Variants in OTOL1 observed in about 807,000 individuals in gnomAD.
The protein encoded by OTOL1 is otolin 1, also known as otolin-1.
Under a neutral mutation model 25.0 loss-of-function variants are expected in OTOL1, and 31 were observed. That is an observed-to-expected ratio of 1.24 (90% confidence interval 0.93 to 1.67). The LOEUF (loss-of-function observed/expected upper bound fraction) is 1.67. Ranked by LOEUF, OTOL1 falls within the 40% of genes most tolerant of loss-of-function variation. The pLI, the probability that OTOL1 is intolerant of heterozygous loss-of-function variation, is 0.00. For synonymous variants in OTOL1, 225 were observed against 210.3 expected (o/e 1.07, Z -0.61); for missense variants, 654 against 587.7 (o/e 1.11, Z -1.17).
At position 161,503,202 on chromosome 3, in the gene OTOL1, A is replaced by T; in HGVS notation, c.694A>T (p.Met232Leu). ...GPGAKGEKGE[M>L]GEKGEMGDKG... ...TGGCGCCAAGGGAGAGAAGGGGGAG[A>T]TGGGGGAGAAGGGGGAGATGGGGGA... The change falls in exon 4 of 4, where the codon ATG becomes TTG. Residue 232 changes from methionine (M) to leucine (L), a missense_variant. Coordinates refer to ENST00000327928, the MANE Select transcript of OTOL1 (RefSeq NM_001080440.1). 1.4e-6 allele frequency: 1 copy of T among 704,508 alleles called. No individual in the cohort carries two copies. The highest frequency in any genetic ancestry group is 1.9e-6 in the Non-Finnish European group (1 of 535,716). 43.6% of individuals were successfully genotyped at this position (704,508 alleles called of 1,614,324 possible).
Position 161,503,577 on chromosome 3 carries a change from A to G in OTOL1, c.1069A>G (p.Asn357Asp). Residue 357 changes from asparagine (N) to aspartate (D), a missense_variant, in exon 4 of 4, where the codon AAC (asparagine) becomes GAC (aspartate). Transcript: ENST00000327928. ...TTTGTCAAAGCCATTTCCTCCTCCT[A>G]ACATCCCCATCAAATTTGAAAAGAT... is the stretch of plus-strand genomic sequence containing the variant. ...AGLSKPFPPP[N>D]IPIKFEKILY... 1.2e-6 allele frequency: 2 copies of G among 1,613,838 alleles called. No homozygotes were observed. The highest frequency in any genetic ancestry group is 1.7e-6 in the Non-Finnish European group (2 of 1,179,840).
rs559129310 is a variant in OTOL1 at position 161,503,483 on chromosome 3, G to C, written c.975G>C (p.Lys325Asn). 5 of 1,613,608 alleles carry C rather than the reference G, an allele frequency of 3.1e-6. No homozygotes were observed. In the South Asian group the frequency reaches 5.5e-5, roughly 18 times the overall value. The change falls in exon 4 of 4, where the codon AAG becomes AAC. Residue 325 changes from lysine (K) to asparagine (N), a missense_variant. By Grantham distance (94) the Lys-to-Asn change is moderately conservative (BLOSUM62 0). Coordinates refer to ENST00000327928, the MANE Select transcript of OTOL1 (RefSeq NM_001080440.1). ...GGGTCCGAGGCCCCACTGGGAAGAA[G>C]GGCTCTCGGGGCTTTAAAGGCTCCA... Reference protein sequence around the residue: ...NKGVRGPTGKKGSRGFKGSKG... With the variant: ...NKGVRGPTGKNGSRGFKGSKG...
intron 2 of OTOL1, among the ~76,000 whole-genome samples, chr3:161,501,932 T>C (rs1225144440): frequency 6.6e-6 from 1 of 152,186 alleles, no homozygotes; most frequent in Non-Finnish European, 1.5e-5. Flanking sequence ...AGCGGTGTGA[T>C]CTCAGCTTAC....
chr3:161,497,459 A>G (rs1485986566), intron 1 of OTOL1, among the ~76,000 whole-genome samples: 1 of 152,188 alleles, frequency 6.6e-6, no homozygotes, highest in South Asian at 2.1e-4. Flanking sequence ...TAGCATTTCC[A>G]TCATTGTAGA....
In OTOL1 at chr3:161,499,254, G is replaced by A; in HGVS notation, c.448G>A (p.Glu150Lys). The change falls in exon 2 of 4, where the codon GAG becomes AAG. Residue 150 changes from glutamate (E) to lysine (K), a missense_variant. Transcript: ENST00000327928. ...GPQGPRGYKG[E>K]KGLKGERGDQ... ...CCAAGGCCCTAGAGGCTACAAAGGA[G>A]AGAAAGGTAGGTAATTCATTCATGT... 6.3e-7 allele frequency: 1 copy of A among 1,597,656 alleles called. No individual in the cohort carries two copies. The highest frequency in any genetic ancestry group is 2.2e-5 in the East Asian group (1 of 44,684).
chr3:161,502,633 T>C (rs1279538087), intron 3 of OTOL1, among the ~76,000 whole-genome samples: 3 of 152,198 alleles, frequency 2.0e-5, no homozygotes, highest in Non-Finnish European at 4.4e-5. Context: ...CTCAGTTTCC[T>C]TGCCAATAAT....
chr3:161,497,087 C>T lies in OTOL1; in HGVS notation c.280C>T (p.Pro94Ser), dbSNP rs189141556. Residue 94 changes from proline (P) to serine (S), a missense_variant, in exon 1 of 4, where the codon CCA becomes TCA. By Grantham distance (74) the Pro-to-Ser change is moderately conservative. Transcript: ENST00000327928. ...TCCCTTTGAAAACTTCACTCTTGAC[C>T]CAGCTGATTTCTTTTTGAATTGTTG... ...LSPFENFTLD[P>S]ADFFLNCCDC... 5.0e-6 allele frequency: 8 copies of T among 1,613,446 alleles called. No individual in the cohort carries two copies. The highest frequency in any genetic ancestry group is 1.7e-5 in the Admixed American group (1 of 59,956).
chr3:161,500,491 T>A (rs866136670), intron 2 of OTOL1, among the ~76,000 whole-genome samples: 10 of 152,192 alleles, frequency 6.6e-5, no homozygotes, highest in Non-Finnish European at 7.4e-5. Context: ...ATTCAGCCAT[T>A]CTTTATAAAG....
At chr3:161,498,978 T>C (rs1235426196) in intron 1 of OTOL1, among the ~76,000 whole-genome samples, 193 bp from the exon 2 acceptor site, 2 of 152,226 alleles carry the variant, frequency 1.3e-5, no homozygotes, top group Non-Finnish European at 2.9e-5. Context: ...AATTTATCTA[T>C]TCAGGTAGTA....
chr3:161,500,069 C>A (rs1718936885), intron 2 of OTOL1, among the ~76,000 whole-genome samples: 1 of 152,090 alleles, frequency 6.6e-6, no homozygotes, highest in Non-Finnish European at 1.5e-5. Flanking sequence ...CAGTGAATAC[C>A]AGCAGCCTGT....
In OTOL1 at chr3:161,503,777, A is replaced by G. The variant is rs776928022; in HGVS notation, c.1269A>G (p.Glu423=). 1 of 1,613,914 alleles carries G rather than the reference A, an allele frequency of 6.2e-7. No individual in the cohort carries two copies. The highest frequency in any genetic ancestry group is 1.1e-5 in the South Asian group (1 of 91,068). The change falls in exon 4 of 4, where the codon GAA becomes GAG. Residue 423 remains glutamate, a synonymous_variant. Transcript: ENST00000327928. ...CCAGAGAAACTCTCTATGGTCAGGAAATAGACCAGGCCTCTCTCCTCGTCA... is the reference window on the plus strand; with the variant it reads ...CCAGAGAAACTCTCTATGGTCAGGAGATAGACCAGGCCTCTCTCCTCGTCA... ...FKSRETLYGQ[E]IDQASLLVIL...
chr3:161,501,995 T>A (rs1718984685), intron 2 of OTOL1, among the ~76,000 whole-genome samples: 1 of 152,132 alleles, frequency 6.6e-6, no homozygotes, highest in African/African-American at 2.4e-5. Context: ...GCCTCCCAAG[T>A]AGCTGGGACT....
Position 161,503,551 on chromosome 3 carries a change from G to T in OTOL1, c.1043G>T (p.Gly348Val), listed in dbSNP as rs1250367108. The change falls in exon 4 of 4, where the codon GGT becomes GTT. Residue 348 changes from glycine to valine, a missense_variant. Coordinates refer to ENST00000327928, the MANE Select transcript of OTOL1 (RefSeq NM_001080440.1). The part of the protein sequence containing the change: ...ARVPRSAFSA[G>V]LSKPFPPPNI... ...GTGCCCCGGTCGGCTTTCAGCGCTG[G>T]TTTGTCAAAGCCATTTCCTCCTCCT... 6.2e-7 allele frequency: 1 copy of T among 1,613,846 alleles called. No individual in the cohort carries two copies. The highest frequency in any genetic ancestry group is 1.7e-5 in the Admixed American group (1 of 60,016).
At chr3:161,499,497 G>A (rs1195625204) in intron 2 of OTOL1, among the ~76,000 whole-genome samples, 1 of 152,154 alleles carries the variant, frequency 6.6e-6, no homozygotes, top group East Asian at 1.9e-4. Context: ...TTGTCACACA[G>A]CTTTTCCATC....
In OTOL1 at chr3:161,503,040, A is replaced by G. The variant is rs1482408684; in HGVS notation, c.532A>G (p.Lys178Glu). ...KPGAQGEPGP[K>E]GDKGNIGLGG... ...TTCCATTTCAGGTGAACCTGGCCCT[A>G]AGGGAGATAAAGGAAACATTGGTTT... The change falls in exon 4 of 4, where the codon AAG (lysine) becomes GAG (glutamate). Residue 178 changes from lysine (K) to glutamate (E), a missense_variant. By Grantham distance (56) the Lys-to-Glu change is moderately conservative. Coordinates refer to ENST00000327928, the MANE Select transcript of OTOL1 (RefSeq NM_001080440.1). 3 of 1,353,104 alleles carry G rather than the reference A, an allele frequency of 2.2e-6. No homozygotes were observed. In the East Asian group the frequency reaches 7.8e-5, roughly 35 times the overall value. 83.8% of individuals were successfully genotyped at this position (1,353,104 alleles called of 1,614,324 possible). A position where few individuals can be genotyped will look rare whatever the true frequency, so the allele number is the denominator to read the frequency against.
In OTOL1 at chr3:161,499,197, G is replaced by A; in HGVS notation, c.391G>A (p.Gly131Arg). Residue 131 changes from glycine to arginine, a missense_variant, in exon 2 of 4, where the codon GGG becomes AGG. Transcript: ENST00000327928. Reference protein sequence around the residue: ...PGPKGEAGNLGIPGPPGVVGP... With the variant: ...PGPKGEAGNLRIPGPPGVVGP... ...TCCTAAAGGAGAGGCTGGAAATTTG[G>A]GGATCCCAGGGCCACCAGGAGTTGT... is the stretch of plus-strand genomic sequence containing the variant. The A allele has an allele frequency of 6.2e-7, 1 of 1,610,928 alleles. No individual in the cohort carries two copies. Among genetic ancestry groups the A allele is most frequent in the Non-Finnish European group, 8.5e-7 (1 of 1,178,686 alleles).
In OTOL1 at chr3:161,503,339, C is replaced by T. The variant is rs759107962; in HGVS notation, c.831C>T (p.Ser277=). The change falls in exon 4 of 4, where the codon AGC becomes AGT. Residue 277 remains serine, a synonymous_variant. Transcript: ENST00000327928. ...GAGACAGTGGAATGGAAGGCAAAAG[C>T]GGCCGTAATGGTCTGCCTGGGGCCA... ...SKGDSGMEGK[S]GRNGLPGAKG... 2 of 1,577,240 alleles carry T rather than the reference C, an allele frequency of 1.3e-6. No homozygotes were observed. The highest frequency in any genetic ancestry group is 1.7e-6 in the Non-Finnish European group (2 of 1,163,848).
intron 2 of OTOL1, among the ~76,000 whole-genome samples, chr3:161,501,559 A>G (rs770009879): frequency 1.2e-4 from 18 of 151,344 alleles, no homozygotes; most frequent in Non-Finnish European, 2.1e-4. Flanking sequence ...TTTTTCCCGG[A>G]CTTTTTTTTC....
intron 2 of OTOL1, among the ~76,000 whole-genome samples, chr3:161,500,108 T>A (rs1718938291): frequency 6.6e-6 from 1 of 152,176 alleles, no homozygotes; most frequent in Non-Finnish European, 1.5e-5. Flanking sequence ...TCAAGTTAAA[T>A]GTTTTAGCCT....
Sources: gnomAD v4.1 joint callset for allele counts (sites outside exome capture counted in the v4.1 genomes callset) on GRCh38, gnomAD v4.1.1 for gene constraint, MANE v1.5 for transcripts, NCBI Gene and HGNC (gene_info 2026-07-23, HGNC 2026-07-21) for gene names.